METTL24: variants seen among roughly 807,000 people sequenced by gnomAD.
The protein encoded by METTL24 is methyltransferase like 24, also known as probable methyltransferase-like protein 24.
In METTL24, 29 loss-of-function variants were observed where a neutral mutation model predicts 32.7. That is an observed-to-expected ratio of 0.89 (90% confidence interval 0.66 to 1.21). METTL24 has a LOEUF of 1.21. Ranked by LOEUF, METTL24 falls within the 50% of genes most tolerant of loss-of-function variation. The pLI is 0.00. For missense variants in METTL24, 439 were observed against 468.1 expected (o/e 0.94, Z 0.57); for synonymous variants, 163 against 179.5 (o/e 0.91, Z 0.73).
intron 1 of METTL24, among the ~76,000 whole-genome samples, chr6:110,345,189 C>T (rs778386164): frequency 2.6e-5 from 4 of 152,136 alleles, no homozygotes; most frequent in Middle Eastern, 3.4e-3. Flanking sequence ...CTCAATATTA[C>T]GGATCAGTAG....
In METTL24 at chr6:110,358,323, T is replaced by C; in HGVS notation, c.-51A>G. 1 of 1,332,200 alleles carries C rather than the reference T, an allele frequency of 7.5e-7. No individual in the cohort carries two copies. Among genetic ancestry groups the C allele is most frequent in the Middle Eastern group, 2.7e-4 (1 of 3,654 alleles). 82.5% of individuals were successfully genotyped at this position (1,332,200 alleles called of 1,614,324 possible). ...CCGCGCCTGGCCGGCAGCAGGGATGTAGCCCCACAGGCCGGAGCGGCCAAC... is the reference window on the plus strand; with the variant it reads ...CCGCGCCTGGCCGGCAGCAGGGATGCAGCCCCACAGGCCGGAGCGGCCAAC... On this transcript the variant is annotated 5_prime_UTR_variant, in exon 1 of 5. Coordinates refer to ENST00000338882, the MANE Select transcript of METTL24 (RefSeq NM_001123364.3).
rs146779894 is a variant in METTL24, at chr6:110,346,046, T to C, written c.318+11909A>G. ...TTATGGGCCATACATAAGCTACATGTGGTTCTCAACTTCTGTTCTGCAGCC... is the reference window on the plus strand; with the variant it reads ...TTATGGGCCATACATAAGCTACATGCGGTTCTCAACTTCTGTTCTGCAGCC... On this transcript the variant is annotated intron_variant, in intron 1 of 4. Coordinates refer to ENST00000338882, the MANE Select transcript of METTL24 (RefSeq NM_001123364.3). Among the ~76,000 whole-genome samples the C allele has an allele frequency of 5.6e-3, 849 of 152,332 alleles. 7 individuals carry two copies. The highest frequency in any genetic ancestry group is 0.019 in the African/African-American group (788 of 41,570).
rs113668315 is a variant in METTL24 at position 110,335,127 on chromosome 6, G to A, written c.319-12255C>T. Among the ~76,000 whole-genome samples the A allele has an allele frequency of 3.7e-3, 561 of 152,294 alleles. 1 individual carries two copies. Among genetic ancestry groups the A allele is most frequent in the Admixed American group, 0.011 (166 of 15,300 alleles). On this transcript the variant is annotated intron_variant, in intron 1 of 4. Coordinates refer to ENST00000338882, the MANE Select transcript of METTL24 (RefSeq NM_001123364.3). Reference sequence around the variant, plus strand: ...AGGAAAAATCCACAGTCTTTATTACGAAGTGGCCTTTTTCAGGGACATGAA... The same window carrying A: ...AGGAAAAATCCACAGTCTTTATTACAAAGTGGCCTTTTTCAGGGACATGAA...
intron 1 of METTL24, among the ~76,000 whole-genome samples, chr6:110,339,831 G>A (rs1772317176): frequency 6.6e-6 from 1 of 152,190 alleles, no homozygotes; most frequent in Non-Finnish European, 1.5e-5. Flanking sequence ...CGATTGTAGA[G>A]ATGACACAAG....
chr6:110,265,805 T>C (rs1770846331), intron 4 of METTL24, among the ~76,000 whole-genome samples: 1 of 152,176 alleles, frequency 6.6e-6, no homozygotes, highest in Admixed American at 6.5e-5. Context: ...AGAGTTCTTT[T>C]ATGTAAGAGA....
chr6:110,347,306 G>A (rs1232315679), intron 1 of METTL24, among the ~76,000 whole-genome samples: 2 of 152,194 alleles, frequency 1.3e-5, no homozygotes, highest in Non-Finnish European at 2.9e-5. Context: ...TCTGCAAAAT[G>A]AGAACAATTC....
At chr6:110,312,416 C>T (rs1399203390) in intron 3 of METTL24, among the ~76,000 whole-genome samples, 1 of 152,168 alleles carries the variant, frequency 6.6e-6, no homozygotes, top group African/African-American at 2.4e-5. Context: ...TTTATTGCAG[C>T]ACTATTCACA....
intron 4 of METTL24, among the ~76,000 whole-genome samples, chr6:110,261,798 C>A (rs989706260): frequency 3.3e-5 from 5 of 152,130 alleles, no homozygotes; most frequent in African/African-American, 4.8e-5. Flanking sequence ...AACTAGAACT[C>A]AGGATTAAGA....
intron 1 of METTL24, chr6:110,332,369 G>T: frequency 3.9e-6 from 1 of 259,432 alleles, no homozygotes; most frequent in Non-Finnish European, 6.0e-6. Context: ...CACACCAGGG[G>T]ATGGCTAAGA....
At chr6:110,311,097 G>T (rs543528739) in intron 3 of METTL24, among the ~76,000 whole-genome samples, 2 of 152,084 alleles carry the variant, frequency 1.3e-5, no homozygotes. Context: ...CTGGGAACCC[G>T]GGGCCACCTT....
At chr6:110,256,877 C>T (rs1778395239) in intron 4 of METTL24, among the ~76,000 whole-genome samples, 1 of 152,172 alleles carries the variant, frequency 6.6e-6, no homozygotes, top group Non-Finnish European at 1.5e-5. Context: ...CATGTCACTT[C>T]CTTTTTGTGT....
At chr6:110,336,254 T>C (rs1397920828) in intron 1 of METTL24, among the ~76,000 whole-genome samples, 1 of 152,202 alleles carries the variant, frequency 6.6e-6, no homozygotes, top group Non-Finnish European at 1.5e-5. Flanking sequence ...AGTCCCTGAA[T>C]GACAGCAACA....
chr6:110,283,124 A>C (rs1483148501), intron 4 of METTL24, among the ~76,000 whole-genome samples: 1 of 152,150 alleles, frequency 6.6e-6, no homozygotes, highest in Non-Finnish European at 1.5e-5. Context: ...TAAAGAACAA[A>C]ATTCTTTAGA....
At chr6:110,328,306 C>A (rs1040781287) in intron 1 of METTL24, among the ~76,000 whole-genome samples, 1 of 152,228 alleles carries the variant, frequency 6.6e-6, no homozygotes, top group Admixed American at 6.5e-5. Flanking sequence ...CTTGTCCAGA[C>A]AATGTGCATT....
intron 4 of METTL24, among the ~76,000 whole-genome samples, chr6:110,259,538 G>A (rs1317170980): frequency 6.6e-6 from 1 of 152,188 alleles, no homozygotes; most frequent in Non-Finnish European, 1.5e-5. Flanking sequence ...CCACCTCTGG[G>A]GGCAGGGCAT....
chr6:110,327,646 C>T (rs1772038902), intron 1 of METTL24, among the ~76,000 whole-genome samples: 1 of 152,188 alleles, frequency 6.6e-6, no homozygotes, highest in Admixed American at 6.5e-5. Flanking sequence ...ATGGAAACCG[C>T]TAGCTTTTAT....
At chr6:110,337,704 T>A (rs1160805603) in intron 1 of METTL24, among the ~76,000 whole-genome samples, 1 of 152,210 alleles carries the variant, frequency 6.6e-6, no homozygotes, top group Non-Finnish European at 1.5e-5. Flanking sequence ...CCTAACATAC[T>A]TTTCCTCCTG....
chr6:110,308,890 A>C (rs901133056), intron 3 of METTL24, among the ~76,000 whole-genome samples: 1 of 152,106 alleles, frequency 6.6e-6, no homozygotes, highest in Non-Finnish European at 1.5e-5. Context: ...TGAAATGTCC[A>C]GAATGGGTGA....
intron 3 of METTL24, among the ~76,000 whole-genome samples, chr6:110,308,535 G>A (rs567356192): frequency 6.6e-6 from 1 of 152,158 alleles, no homozygotes; most frequent in Non-Finnish European, 1.5e-5. Context: ...TGTAGGCAAG[G>A]ATATGGAGAA....
Sources: gnomAD v4.1 joint callset for allele counts (sites outside exome capture counted in the v4.1 genomes callset) on GRCh38, gnomAD v4.1.1 for gene constraint, MANE v1.5 for transcripts, NCBI Gene and HGNC (gene_info 2026-07-23, HGNC 2026-07-21) for gene names.